The following ASIC2 variants were observed in gnomAD, a reference collection of about 807,000 sequenced individuals.
ASIC2 encodes the protein acid-sensing ion channel 2.
A neutral mutation model predicts 57.3 loss-of-function variants in ASIC2; 25 were observed. That is an observed-to-expected ratio of 0.44 (90% CI 0.32 to 0.61). The LOEUF (loss-of-function observed/expected upper bound fraction) is 0.61, where lower values mean the gene tolerates loss of function less well. ASIC2 is among the 20% of genes least tolerant of loss of function. The pLI, the probability that ASIC2 is intolerant of heterozygous loss-of-function variation, is 0.06. For synonymous variants in ASIC2, 319 were observed against 307.5 expected (o/e 1.04, Z -0.39); for missense variants, 641 against 738.1 (o/e 0.87, Z 1.52).
chr17:33,054,024 T>C (rs1481513471), intron 3 of ASIC2, among the ~76,000 whole-genome samples: 1 of 152,090 alleles, frequency 6.6e-6, no homozygotes, highest in Admixed American at 6.6e-5. Context: ...CACCTACCTT[T>C]GCTCTCCTGT....
chr17:33,833,385 A>C (rs958360867), intron 1 of ASIC2, among the ~76,000 whole-genome samples: 2 of 152,190 alleles, frequency 1.3e-5, no homozygotes, highest in Non-Finnish European at 1.5e-5. Context: ...AAGAAGAGGA[A>C]AAGGGGGTTA....
chr17:33,152,558 C>T (rs538087858), intron 1 of ASIC2, among the ~76,000 whole-genome samples: 75 of 152,258 alleles, frequency 4.9e-4, no homozygotes, highest in Non-Finnish European at 8.8e-4. Flanking sequence ...AATGAGCAGT[C>T]CCTGGGACAG....
chr17:33,023,363 G>A (rs1428961754), intron 6 of ASIC2, among the ~76,000 whole-genome samples: 1 of 151,848 alleles, frequency 6.6e-6, no homozygotes, highest in Non-Finnish European at 1.5e-5. Context: ...GGTGGCGGGC[G>A]CCTGTAGTTC....
intron 1 of ASIC2, among the ~76,000 whole-genome samples, chr17:33,795,934 T>C (rs11080237): frequency 0.56 from 84,900 of 152,126 alleles, 24,713 homozygotes; most frequent in Non-Finnish European, 0.65. Context: ...GTTGAGCACA[T>C]GGCAGAAATT....
At chr17:33,958,672 T>C (rs1904821357) in intron 1 of ASIC2, among the ~76,000 whole-genome samples, 1 of 152,058 alleles carries the variant, frequency 6.6e-6, no homozygotes, top group Non-Finnish European at 1.5e-5. Flanking sequence ...GCATTTTTCC[T>C]CCTAGACCTC....
At chr17:33,029,286 C>T (rs1029401776) in intron 3 of ASIC2, among the ~76,000 whole-genome samples, 4 of 152,336 alleles carry the variant, frequency 2.6e-5, no homozygotes, top group South Asian at 4.1e-4. Flanking sequence ...TCCAATCAGT[C>T]CCCAACCTAC....
intron 1 of ASIC2, among the ~76,000 whole-genome samples, chr17:33,988,715 G>C (rs1597964181): frequency 1.3e-5 from 2 of 151,802 alleles, no homozygotes; most frequent in South Asian, 4.2e-4. Flanking sequence ...CCTCTTCCTA[G>C]TGTTCTCCTC....
rs1253861481 is a variant in ASIC2 at position 34,036,399 on chromosome 17, C to T, written c.555+119579G>A. ...GGGTGGGGGGAGGGGGGAGGGATAG[C>T]ATTAGGAGATATACCTAATGTTAAA... On this transcript the variant is annotated intron_variant, in intron 1 of 9. Transcript: ENST00000359872. 1.1e-4 allele frequency among the ~76,000 whole-genome samples: 17 copies of T among 149,030 alleles called. No homozygotes were observed. In the East Asian group the frequency reaches 3.5e-3, roughly 30 times the overall value.
intron 1 of ASIC2, among the ~76,000 whole-genome samples, chr17:33,576,092 C>T (rs1311596959): frequency 6.6e-6 from 1 of 152,208 alleles, no homozygotes; most frequent in African/African-American, 2.4e-5. Flanking sequence ...TCCTCACTCA[C>T]TCACCTTCTC....
intron 1 of ASIC2, among the ~76,000 whole-genome samples, chr17:33,547,269 G>A (rs888144313): frequency 3.9e-5 from 6 of 152,066 alleles, no homozygotes; most frequent in Non-Finnish European, 7.4e-5. Context: ...GGGGTGGGTC[G>A]GTCAATTGGG....
intron 1 of ASIC2, among the ~76,000 whole-genome samples, chr17:34,097,748 C>T (rs1567819802): frequency 6.6e-6 from 1 of 152,022 alleles, no homozygotes; most frequent in Non-Finnish European, 1.5e-5. Context: ...GATACAGAGG[C>T]CCAACTATGC....
intron 1 of ASIC2, among the ~76,000 whole-genome samples, chr17:33,183,180 G>C (rs553772448): frequency 4.5e-4 from 68 of 152,194 alleles, no homozygotes; most frequent in Non-Finnish European, 8.2e-4. Flanking sequence ...TCGAAAGTAA[G>C]TTCTAAAAGT....
Position 33,160,214 on chromosome 17 carries a change from A to AAAAAG in ASIC2, c.709-48152_709-48148dup, listed in dbSNP as rs750297767. ...ACAGAGAGAGACCCTGTTAAAAAAA[A>AAAAAG]AAAAGAAAAGAAAAGAAAAGAAAAG... On this transcript the variant is annotated intron_variant, in intron 1 of 9. Transcript: ENST00000225823. 8.2e-3 allele frequency among the ~76,000 whole-genome samples: 766 copies of AAAAAG among 93,500 alleles called. 4 individuals are homozygous for AAAAAG. The highest frequency in any genetic ancestry group is 0.028 in the African/African-American group (626 of 22,666). The allele number at this position is 93,500 out of a possible 152,430, so 61.3% of individuals were successfully genotyped here.
chr17:33,136,411 A>C (rs1300628785), intron 1 of ASIC2, among the ~76,000 whole-genome samples: 1 of 152,244 alleles, frequency 6.6e-6, no homozygotes, highest in African/African-American at 2.4e-5. Context: ...ACAGGTATGC[A>C]CATGCATGCT....
chr17:33,980,289 G>A (rs1449287725), intron 1 of ASIC2, among the ~76,000 whole-genome samples: 1 of 152,160 alleles, frequency 6.6e-6, no homozygotes, highest in Non-Finnish European at 1.5e-5. Context: ...GCAAGTCTCT[G>A]AGTGAGGGAG....
At chr17:33,714,760 A>G (rs1185791394) in intron 1 of ASIC2, among the ~76,000 whole-genome samples, 4 of 147,990 alleles carry the variant, frequency 2.7e-5, no homozygotes, top group South Asian at 2.1e-4. Flanking sequence ...AAACAACCAA[A>G]TGTTGTTGTT....
At chr17:33,278,925 C>G (rs1391081) in intron 1 of ASIC2, among the ~76,000 whole-genome samples, 148,796 of 152,208 alleles carry the variant, frequency 0.98, 72,753 homozygotes, top group East Asian at 1. Context: ...GGGAACCTGA[C>G]TCAATGCACG....
intron 1 of ASIC2, among the ~76,000 whole-genome samples, chr17:33,778,096 AGCTACCTTGTGAGGGGAT>A (rs1315602161): frequency 6.6e-6 from 1 of 152,110 alleles, no homozygotes; most frequent in African/African-American, 2.4e-5. Flanking sequence ...TGATTCACTG[AGCTACCTTGTGAGGGGAT>A]GCACTCATCT....
At chr17:33,856,251 AT>A (rs1420002106) in intron 1 of ASIC2, among the ~76,000 whole-genome samples, 1 of 152,236 alleles carries the variant, frequency 6.6e-6, no homozygotes, top group Non-Finnish European at 1.5e-5. Context: ...AGGAAAAAGC[AT>A]CAATATCAAT....
Sources: gnomAD v4.1 joint callset for allele counts (sites outside exome capture counted in the v4.1 genomes callset) on GRCh38, gnomAD v4.1.1 for gene constraint, MANE v1.5 for transcripts, NCBI Gene and HGNC (gene_info 2026-07-23, HGNC 2026-07-21) for gene names.